Variants in MON2 observed in about 807,000 individuals in gnomAD.
MON2 encodes the protein MON2 regulator of endosome-to-Golgi trafficking.
Under a neutral mutation model 208.6 loss-of-function variants are expected in MON2, and 84 were observed. The observed-to-expected ratio is 0.40, with a 90% confidence interval of 0.34 to 0.48. The LOEUF is 0.48. Ranked by LOEUF, MON2 falls within the 20% of genes least tolerant of loss-of-function variation. The pLI, the probability that MON2 is intolerant of heterozygous loss-of-function variation, is 0.59. For missense variants in MON2, 1,611 were observed against 2,015.4 expected, an observed-to-expected ratio of 0.80 and a Z score of 3.84; for synonymous variants, 660 against 694.0, an observed-to-expected ratio of 0.95 and a Z score of 0.77.
intron 21 of MON2, 30 bp from the exon 22 acceptor site, chr12:62,546,867 T>C: frequency 6.5e-7 from 1 of 1,534,298 alleles, no homozygotes; most frequent in Non-Finnish European, 8.8e-7. Flanking sequence ...TGGACTTCTC[T>C]TCCTAATTAG....
chr12:62,526,038 G>T lies in MON2; in HGVS notation c.1336G>T (p.Glu446Ter). 6.2e-7 allele frequency: 1 copy of T among 1,613,924 alleles called. No individual in the cohort carries two copies. Among genetic ancestry groups the T allele is most frequent in the Non-Finnish European group, 8.5e-7 (1 of 1,179,886 alleles). Residue 446 changes from glutamate (E) to a stop codon, truncating the protein, a stop_gained, in exon 11 of 35, where the codon GAA becomes TAA. Coordinates refer to ENST00000393630, the MANE Select transcript of MON2 (RefSeq NM_015026.3). LOFTEE classifies it high-confidence loss of function. ...AGGTGTTACTTTGCTACCAGCATTT[G>T]AATATAGGGGAACCTGGATACCTAT... is the stretch of plus-strand genomic sequence containing the variant. ...GGGVTLLPAF[E>*]YRGTWIPILT...
At chr12:62,571,645 A>G in intron 30 of MON2, 63 bp downstream of exon 30, 2 of 1,319,576 alleles carry the variant, frequency 1.5e-6, no homozygotes, top group Non-Finnish European at 1.0e-6. Flanking sequence ...AGTTGCTCTA[A>G]AAACAGTTGT....
In MON2 at chr12:62,555,572, G is replaced by A. The variant is rs527509350; in HGVS notation, c.3211-422G>A. 5.3e-5 allele frequency among the ~76,000 whole-genome samples: 8 copies of A among 152,272 alleles called. No homozygotes were observed. In the East Asian group the frequency reaches 1.4e-3, roughly 26 times the overall value. On this transcript the variant is annotated intron_variant, in intron 24 of 34. Coordinates refer to ENST00000393630, the MANE Select transcript of MON2 (RefSeq NM_015026.3). ...CGCCTGTAATCCCAACACTTTGGGAGGTCGAGGCGGGCAGTTCACCTCAGG... is the reference window on the plus strand; with the variant it reads ...CGCCTGTAATCCCAACACTTTGGGAAGTCGAGGCGGGCAGTTCACCTCAGG...
intron 25 of MON2, among the ~76,000 whole-genome samples, chr12:62,556,748 G>A (rs1219417443): frequency 6.6e-6 from 1 of 152,094 alleles, no homozygotes; most frequent in Admixed American, 6.6e-5. Flanking sequence ...GTAGTGAAAG[G>A]CCAGATCATC....
At chr12:62,579,452 G>A (rs1386416149) in intron 31 of MON2, among the ~76,000 whole-genome samples, 6 of 151,716 alleles carry the variant, frequency 4.0e-5, no homozygotes, top group Admixed American at 6.6e-5. Flanking sequence ...GGCCGGGCGC[G>A]GTGGCTCACA....
chr12:62,528,078 G>A (rs892050229), intron 11 of MON2, among the ~76,000 whole-genome samples: 1 of 152,012 alleles, frequency 6.6e-6, no homozygotes, highest in Non-Finnish European at 1.5e-5. Context: ...CATATGTGTA[G>A]ATTTTTTTTT....
intron 22 of MON2, 48 bp downstream of exon 22, chr12:62,547,120 TATAAA>T (rs746690308): frequency 8.3e-7 from 1 of 1,208,720 alleles, no homozygotes; most frequent in Admixed American, 3.3e-5. Context: ...AAAAATAAAA[TATAAA>T]TAAAATAAAA....
At chr12:62,532,790 T>C (rs2072717222) in intron 12 of MON2, 120 bp downstream of exon 12, 1 of 698,698 alleles carries the variant, frequency 1.4e-6, no homozygotes. Flanking sequence ...TTCCCACATT[T>C]ACCTTACCAT....
At chr12:62,579,387 A>G (rs2074917493) in intron 31 of MON2, among the ~76,000 whole-genome samples, 2 of 150,922 alleles carry the variant, frequency 1.3e-5, no homozygotes, top group Admixed American at 6.6e-5. Flanking sequence ...TTTAAGTGGG[A>G]TAGAGGAACT....
intron 4 of MON2, among the ~76,000 whole-genome samples, chr12:62,496,096 T>C (rs79976497): frequency 6.6e-6 from 1 of 152,284 alleles, no homozygotes; most frequent in East Asian, 1.9e-4. Context: ...TACAGTATAC[T>C]GTCACATTAA....
rs550772897 is a variant in MON2, at chr12:62,539,078, A to G, written c.2364+573A>G. On this transcript the variant is annotated intron_variant, in intron 19 of 34. Coordinates refer to ENST00000393630, the MANE Select transcript of MON2 (RefSeq NM_015026.3). The stretch of plus-strand genomic sequence containing the variant: ...ACTTTCTGTTATACTTGGAAAGCAC[A>G]GGAACAGTTGTATTTATTTATATGT... Among the ~76,000 whole-genome samples the G allele has an allele frequency of 4.5e-4, 69 of 152,302 alleles. 1 individual carries two copies. Among genetic ancestry groups the G allele is most frequent in the African/African-American group, 1.6e-3 (65 of 41,584 alleles).
At chr12:62,576,601 A>G (rs533046771) in intron 30 of MON2, among the ~76,000 whole-genome samples, 29 of 152,134 alleles carry the variant, frequency 1.9e-4, no homozygotes, top group Admixed American at 1.1e-3. Context: ...TTTAAAGATT[A>G]CTGTAGTTTT....
chr12:62,520,632 A>G (rs542279830), intron 8 of MON2, among the ~76,000 whole-genome samples: 38 of 151,904 alleles, frequency 2.5e-4, no homozygotes, highest in Non-Finnish European at 5.6e-4. Flanking sequence ...GTCACAAGGA[A>G]CATTAAAAAG....
intron 4 of MON2, 108 bp downstream of exon 4, chr12:62,495,255 C>G (rs2070405202): frequency 2.0e-5 from 18 of 921,050 alleles, no homozygotes; most frequent in Non-Finnish European, 2.9e-5. Context: ...AACTTCCCTA[C>G]AGCTATGGTG....
chr12:62,561,140 T>G, intron 26 of MON2, 27 bp downstream of exon 26: 1 of 1,545,008 alleles, frequency 6.5e-7, no homozygotes, highest in Non-Finnish European at 8.7e-7. Flanking sequence ...GGCTAAGTAA[T>G]ACTGCATATA....
rs2069621551 is a variant in MON2 at position 62,484,200 on chromosome 12, A to G, written c.142A>G (p.Thr48Ala). The change falls in exon 2 of 35, where the codon ACA (threonine) becomes GCA (alanine). Residue 48 changes from threonine to alanine, a missense_variant. Thr to Ala is a moderately conservative substitution (Grantham distance 58, BLOSUM62 0). Transcript: ENST00000393630. The part of the protein sequence containing the change: ...AAESGIIKVK[T>A]IAARNTEILA... ...TGAATCAGGAATAATAAAAGTTAAA[A>G]CAATTGCTGCACGAAACACTGAAAT... 2 of 1,602,170 alleles carry G rather than the reference A, an allele frequency of 1.2e-6. No individual in the cohort carries two copies. Among genetic ancestry groups the G allele is most frequent in the Non-Finnish European group, 1.7e-6 (2 of 1,175,234 alleles).
rs2075449731 is a variant in MON2, at chr12:62,593,242, C to G, written c.*493C>G. 1 of 153,148 alleles carries G rather than the reference C, an allele frequency of 6.5e-6. No individual in the cohort carries two copies. Among genetic ancestry groups the G allele is most frequent in the Admixed American group, 6.5e-5 (1 of 15,406 alleles). The allele number at this position is 153,148 out of a possible 1,614,324, so 9.5% of individuals were successfully genotyped here. On this transcript the variant is annotated 3_prime_UTR_variant, in exon 35 of 35. Coordinates refer to ENST00000393630, the MANE Select transcript of MON2 (RefSeq NM_015026.3). ...TTTGTTAACAAAGGGAACTGATATACTTGTGTGTATAATAAATGGTACAGT... is the reference window on the plus strand; with the variant it reads ...TTTGTTAACAAAGGGAACTGATATAGTTGTGTGTATAATAAATGGTACAGT...
chr12:62,484,181 A>G lies in MON2; in HGVS notation c.123A>G (p.Ser41=). The G allele has an allele frequency of 6.3e-7, 1 of 1,597,150 alleles. No homozygotes were observed. Among genetic ancestry groups the G allele is most frequent in the East Asian group, 2.2e-5 (1 of 44,448 alleles). The change falls in exon 2 of 35, where the codon TCA becomes TCG. Residue 41 remains serine (S), a synonymous_variant. Coordinates refer to ENST00000393630, the MANE Select transcript of MON2 (RefSeq NM_015026.3). ...TTTTATTCTTGCAGGCTGCTGAATC[A>G]GGAATAATAAAAGTTAAAACAATTG... is the stretch of plus-strand genomic sequence containing the variant. ...KFPPVKEAAE[S]GIIKVKTIAA...
At chr12:62,525,323 G>T in intron 10 of MON2, 103 bp downstream of exon 10, 1 of 1,243,268 alleles carries the variant, frequency 8.0e-7, no homozygotes, top group East Asian at 2.4e-5. Context: ...AGAAATTTGG[G>T]TTACCTAAAC....
Sources: allele counts gnomAD v4.1 joint callset (sites outside exome capture counted in the v4.1 genomes callset), GRCh38; gene constraint gnomAD v4.1.1; transcripts MANE v1.5; gene names NCBI Gene and HGNC (gene_info 2026-07-23, HGNC 2026-07-21).